Variants in MAGI1 observed in about 807,000 individuals in gnomAD.
MAGI1 encodes the protein membrane associated guanylate kinase, WW and PDZ domain containing 1.
Under a neutral mutation model 139.9 loss-of-function variants are expected in MAGI1, and 58 were observed. The ratio of observed to expected loss-of-function variants is 0.41; its 90% CI spans 0.34 to 0.52. The LOEUF is 0.52. MAGI1 is among the 20% of genes least tolerant of loss of function. The pLI is 0.12. For missense variants in MAGI1, 1,874 were observed against 1,901.6 expected (o/e 0.99, Z 0.27); for synonymous variants, 812 against 737.9 (o/e 1.10, Z -1.63).
intron 2 of MAGI1, among the ~76,000 whole-genome samples, chr3:65,506,710 A>G (rs146444770): frequency 1.3e-5 from 2 of 152,176 alleles, no homozygotes; most frequent in Non-Finnish European, 2.9e-5. Flanking sequence ...GAGGATCTCA[A>G]TTGCCCTAAT....
At chr3:65,828,531 A>G (rs2108284411) in intron 1 of MAGI1, among the ~76,000 whole-genome samples, 1 of 152,308 alleles carries the variant, frequency 6.6e-6, no homozygotes, top group Non-Finnish European at 1.5e-5. Flanking sequence ...TGATGTCACT[A>G]AGTGGTTAAT....
intron 1 of MAGI1, among the ~76,000 whole-genome samples, chr3:65,821,404 G>A (rs1419752955): frequency 3.3e-5 from 5 of 152,062 alleles, no homozygotes; most frequent in African/African-American, 1.2e-4. Context: ...TAACGTCCAC[G>A]TCTGCCATGT....
rs759984526 is a variant in MAGI1, at chr3:65,430,031, G to C, written c.1656C>G (p.Leu552=). 1.9e-6 allele frequency: 3 copies of C among 1,613,938 alleles called. No individual in the cohort carries two copies. The highest frequency in any genetic ancestry group is 1.7e-5 in the Admixed American group (1 of 59,970). Residue 552 remains leucine (L), a synonymous_variant, in exon 12 of 23, where the codon CTC becomes CTG. Coordinates refer to ENST00000402939, the MANE Select transcript of MAGI1 (RefSeq NM_001033057.2). The part of the protein sequence containing the change: ...IPIGASVDLE[L]CRGYPLPFDP... ...CAAAAGGCAATGGATAACCTCGGCAGAGTTCAAGGTCCACGCTGGCACCAA... is the reference window on the plus strand; with the variant it reads ...CAAAAGGCAATGGATAACCTCGGCACAGTTCAAGGTCCACGCTGGCACCAA...
chr3:65,402,508 T>G (rs1439778711), intron 12 of MAGI1, among the ~76,000 whole-genome samples: 3 of 152,164 alleles, frequency 2.0e-5, no homozygotes, highest in Non-Finnish European at 2.9e-5. Flanking sequence ...CTCTTTTGAT[T>G]TTTTTCTTTG....
At chr3:65,410,312 G>A (rs546784934) in intron 12 of MAGI1, among the ~76,000 whole-genome samples, 27 of 152,230 alleles carry the variant, frequency 1.8e-4, no homozygotes, top group African/African-American at 6.3e-4. Flanking sequence ...TTTATTCTTC[G>A]TACCTGCACT....
chr3:65,951,204 A>T (rs982803612), intron 1 of MAGI1, among the ~76,000 whole-genome samples: 4 of 152,214 alleles, frequency 2.6e-5, no homozygotes, highest in African/African-American at 9.6e-5. Flanking sequence ...AGAATTCTGC[A>T]TGTAGTCAGG....
At chr3:65,575,158 A>G (rs531275132) in intron 2 of MAGI1, among the ~76,000 whole-genome samples, 3 of 152,216 alleles carry the variant, frequency 2.0e-5, no homozygotes, top group South Asian at 4.1e-4. Flanking sequence ...TACAAATCAC[A>G]TATCTGAAAA....
chr3:65,790,009 G>A (rs137934536), intron 1 of MAGI1, among the ~76,000 whole-genome samples: 2 of 152,256 alleles, frequency 1.3e-5, no homozygotes, highest in African/African-American at 2.4e-5. Context: ...GATTATTAAC[G>A]TATTAAATGT....
intron 1 of MAGI1, among the ~76,000 whole-genome samples, chr3:65,666,541 C>A (rs2086538707): frequency 6.6e-6 from 1 of 152,124 alleles, no homozygotes; most frequent in East Asian, 1.9e-4. Context: ...CACATATTAG[C>A]ATAGTAAAAG....
intron 1 of MAGI1, among the ~76,000 whole-genome samples, chr3:65,829,652 G>T (rs147567221): frequency 1.9e-4 from 29 of 152,244 alleles, no homozygotes; most frequent in African/African-American, 6.0e-4. Context: ...AAGACACATG[G>T]TATATTGCTT....
intron 18 of MAGI1, among the ~76,000 whole-genome samples, chr3:65,367,421 C>CT (rs1175393827): frequency 6.6e-6 from 1 of 151,966 alleles, no homozygotes; most frequent in African/African-American, 2.4e-5. Context: ...CTGTGAAACT[C>CT]TTTTTTGGGT....
At chr3:65,399,477 G>A (rs1424336699) in intron 13 of MAGI1, among the ~76,000 whole-genome samples, 2 of 152,198 alleles carry the variant, frequency 1.3e-5, no homozygotes, top group South Asian at 2.1e-4. Context: ...CTGCCAGTGT[G>A]TGCCAGCAAT....
chr3:65,401,291 C>T, intron 13 of MAGI1, 148 bp downstream of exon 13: 3 of 997,810 alleles, frequency 3.0e-6, no homozygotes, highest in Admixed American at 5.0e-5. Flanking sequence ...ATCCCCAGAA[C>T]TTAAGAAAAT....
At chr3:65,649,226 C>A (rs938796966) in intron 1 of MAGI1, among the ~76,000 whole-genome samples, 3 of 151,858 alleles carry the variant, frequency 2.0e-5, no homozygotes, top group Non-Finnish European at 4.4e-5. Context: ...TAAAAAAATA[C>A]AAAAAATTAG....
At chr3:65,816,278 T>C (rs1211572447) in intron 1 of MAGI1, among the ~76,000 whole-genome samples, 2 of 150,804 alleles carry the variant, frequency 1.3e-5, no homozygotes, top group Non-Finnish European at 3.0e-5. Context: ...AGAACAGGAC[T>C]ATCCAAAAAA....
rs1317429593 is a variant in MAGI1 at position 65,379,549 on chromosome 3, T to G, written c.2707A>C (p.Lys903Gln). The G allele has an allele frequency of 6.2e-7, 1 of 1,608,584 alleles. No individual in the cohort carries two copies. Among genetic ancestry groups the G allele is most frequent in the East Asian group, 2.2e-5 (1 of 44,652 alleles). The change falls in exon 17 of 23, where the codon AAA (lysine) becomes CAA (glutamine). Residue 903 changes from lysine to glutamine, a missense_variant. Around this residue, in one of 5 missense-constraint regions of MAGI1, gnomAD observed 482 missense variants for 509.6 expected, o/e 0.95. Transcript: ENST00000402939. ...VRRKVVFAVP[K>Q]TENEVPSPAS... ...GGCGAGGGCACCTCGTTCTCGGTTTTGGGCACTGTAGCAGAGAGATGCACG... is the reference window on the plus strand; with the variant it reads ...GGCGAGGGCACCTCGTTCTCGGTTTGGGGCACTGTAGCAGAGAGATGCACG...
rs186693794 is a variant in MAGI1 at position 65,590,822 on chromosome 3, C to T, written c.430+31150G>A. 1.3e-3 allele frequency among the ~76,000 whole-genome samples: 205 copies of T among 152,184 alleles called. 3 individuals are homozygous for T. The highest frequency in any genetic ancestry group is 2.1e-3 in the Admixed American group (32 of 15,284). ...TAAGGCCAAAGGAAACATGAACTTGCGGTAAAGACTATAAAAAGTCCATGT... is the reference window on the plus strand; with the variant it reads ...TAAGGCCAAAGGAAACATGAACTTGTGGTAAAGACTATAAAAAGTCCATGT... On this transcript the variant is annotated intron_variant, in intron 2 of 22. Transcript: ENST00000402939.
intron 1 of MAGI1, among the ~76,000 whole-genome samples, chr3:65,756,140 C>T (rs2107847209): frequency 6.6e-6 from 1 of 152,246 alleles, no homozygotes; most frequent in Non-Finnish European, 1.5e-5. Flanking sequence ...TTAGTTCGCT[C>T]TGTAATTGAT....
intron 1 of MAGI1, among the ~76,000 whole-genome samples, chr3:65,699,455 T>A (rs201175766): frequency 7.2e-6 from 1 of 139,464 alleles, no homozygotes; most frequent in African/African-American, 2.8e-5. Flanking sequence ...TTATTCACAA[T>A]AGCAAAGACT....
Sources: allele counts gnomAD v4.1 joint callset (sites outside exome capture counted in the v4.1 genomes callset), GRCh38; gene constraint gnomAD v4.1.1; regional missense constraint gnomAD v4.1.1; transcripts MANE v1.5; gene names NCBI Gene and HGNC (gene_info 2026-07-23, HGNC 2026-07-21).